UBP1: variants seen among roughly 807,000 people sequenced by gnomAD.
UBP1 encodes the protein upstream binding protein 1.
In UBP1, 22 loss-of-function variants were observed where a neutral mutation model predicts 76.1. The observed-to-expected ratio is 0.29, with a 90% CI of 0.21 to 0.41. UBP1 has a LOEUF of 0.41. Among genes scored for constraint, UBP1 ranks in the 10% least tolerant of loss-of-function variants. The pLI, the probability that UBP1 is intolerant of heterozygous loss-of-function variation, is 1.00. For missense variants in UBP1, 436 were observed against 668.1 expected (o/e 0.65, Z 3.83); for synonymous variants, 224 against 237.1 (o/e 0.94, Z 0.51).
chr3:33,407,806 C>T (rs2154057009), intron 8 of UBP1, among the ~76,000 whole-genome samples: 1 of 152,320 alleles, frequency 6.6e-6, no homozygotes, highest in Non-Finnish European at 1.5e-5. Context: ...ACAGTGAATA[C>T]AGCAGTCACG....
intron 1 of UBP1, 148 bp from the exon 2 acceptor site, chr3:33,425,889 A>T: frequency 1.5e-6 from 1 of 647,106 alleles, no homozygotes; most frequent in Middle Eastern, 3.7e-4. Context: ...ATCAGAAATT[A>T]TATGTAGAAT....
At chr3:33,390,651 A>G (rs1257699194) in intron 15 of UBP1, 8 of 486,590 alleles carry the variant, frequency 1.6e-5, no homozygotes, top group Non-Finnish European at 3.0e-5. Context: ...CTATCAAGAC[A>G]CACAATAATA....
At chr3:33,408,820 G>C in intron 7 of UBP1, 23 bp from the exon 8 acceptor site, 7 of 1,588,058 alleles carry the variant, frequency 4.4e-6, no homozygotes, top group Non-Finnish European at 6.0e-6. Flanking sequence ...CAAAGATTGG[G>C]ATCAATGTCT....
Position 33,389,598 on chromosome 3 carries a change from G to A in UBP1, c.*733C>T, listed in dbSNP as rs2043676995. On this transcript the variant is annotated 3_prime_UTR_variant, in exon 16 of 16. Transcript: ENST00000283629. The stretch of plus-strand genomic sequence containing the variant: ...AACCAGAAACTAAAATGCTAAAAAT[G>A]GAAGCAGAAGCAAAAAAGTTTTTCA... The A allele has an allele frequency of 6.6e-6, 1 of 152,082 alleles. No individual in the cohort carries two copies. The highest frequency in any genetic ancestry group is 2.1e-4 in the South Asian group (1 of 4,830). The allele number at this position is 152,082 out of a possible 1,614,324, so 9.4% of individuals were successfully genotyped here. A position where few individuals can be genotyped will look rare whatever the true frequency, so the allele number is the denominator to read the frequency against.
At chr3:33,394,811 C>T (rs1398802747) in intron 13 of UBP1, among the ~76,000 whole-genome samples, 1 of 140,576 alleles carries the variant, frequency 7.1e-6, no homozygotes, top group East Asian at 2.2e-4. Context: ...TTCCTGCCCT[C>T]CACTTGTTTT....
In UBP1 at chr3:33,439,819, C is replaced by T; in HGVS notation, c.30G>A (p.Val10=). 1 of 1,612,664 alleles carries T rather than the reference C, an allele frequency of 6.2e-7. No homozygotes were observed. Among genetic ancestry groups the T allele is most frequent in the Non-Finnish European group, 8.5e-7 (1 of 1,179,662 alleles). MAWVLKMDE[V]IESGLVHDFD... Reference sequence around the variant, plus strand: ...AGTCGTGCACCAGCCCGGACTCGATCACCTCGTCCATCTTGAGCACCCAGG... The same window carrying T: ...AGTCGTGCACCAGCCCGGACTCGATTACCTCGTCCATCTTGAGCACCCAGG... The change falls in exon 1 of 16, where the codon GTG becomes GTA. Residue 10 remains valine (V), a synonymous_variant. Transcript: ENST00000283629.
intron 1 of UBP1, among the ~76,000 whole-genome samples, chr3:33,433,342 T>G (rs1575492507): frequency 7.8e-6 from 1 of 128,616 alleles, no homozygotes; most frequent in Admixed American, 8.9e-5. Flanking sequence ...ATTACAGGTG[T>G]GAGCCACCGC....
intron 9 of UBP1, 129 bp from the exon 10 acceptor site, chr3:33,401,145 A>T: frequency 1.3e-6 from 1 of 774,738 alleles, no homozygotes; most frequent in East Asian, 3.2e-5. Context: ...GACAGCTATG[A>T]AAGTCTGCAA....
chr3:33,422,522 G>A (rs1453607185), intron 2 of UBP1, among the ~76,000 whole-genome samples: 1 of 152,134 alleles, frequency 6.6e-6, no homozygotes, highest in Admixed American at 6.6e-5. Flanking sequence ...TCGGAGATTA[G>A]CGTGGGCAAT....
At chr3:33,438,923 T>C (rs1485603858) in intron 1 of UBP1, among the ~76,000 whole-genome samples, 1 of 152,212 alleles carries the variant, frequency 6.6e-6, no homozygotes, top group Non-Finnish European at 1.5e-5. Flanking sequence ...AAACCACTGA[T>C]TTTTAGACTT....
At chr3:33,439,603 G>A (rs912303120) in intron 1 of UBP1, 133 bp downstream of exon 1, 54 of 943,048 alleles carry the variant, frequency 5.7e-5, no homozygotes, top group Admixed American at 2.5e-4. Flanking sequence ...CGACCGCCAC[G>A]CGGCAGGACT....
intron 1 of UBP1, among the ~76,000 whole-genome samples, chr3:33,428,289 T>G (rs971839347): frequency 2.0e-5 from 3 of 151,818 alleles, no homozygotes; most frequent in Non-Finnish European, 4.4e-5. Flanking sequence ...ATTTTGTGTA[T>G]ATGTAAGCAT....
chr3:33,426,039 A>ATAT (rs61119304), intron 1 of UBP1, among the ~76,000 whole-genome samples: 5 of 82,860 alleles, frequency 6.0e-5, no homozygotes, highest in Admixed American at 3.8e-4. Context: ...ATATATATAT[A>ATAT]GCACTTTAAA....
In UBP1 at chr3:33,439,983, C is replaced by G; in HGVS notation, c.-135G>C. 1 of 899,850 alleles carries G rather than the reference C, an allele frequency of 1.1e-6. No homozygotes were observed. Among genetic ancestry groups the G allele is most frequent in the Non-Finnish European group, 1.6e-6 (1 of 621,364 alleles). 55.7% of individuals were successfully genotyped at this position (899,850 alleles called of 1,614,324 possible). A position where few individuals can be genotyped will look rare whatever the true frequency, so the allele number is the denominator to read the frequency against. On this transcript the variant is annotated 5_prime_UTR_variant, in exon 1 of 16. Transcript: ENST00000283629. ...GGCGGCGAGTGGTCACCAGCGGCGG[C>G]CGGGACGAGAGCTGCGGGGGCCCCA...
intron 13 of UBP1, 145 bp from the exon 14 acceptor site, chr3:33,393,599 C>T: frequency 1.5e-6 from 1 of 684,792 alleles, no homozygotes; most frequent in Non-Finnish European, 2.1e-6. Context: ...TAAACTATTT[C>T]TTTCCCCCAT....
chr3:33,388,771 G>C lies in UBP1; in HGVS notation c.*1560C>G, dbSNP rs925182893. On this transcript the variant is annotated 3_prime_UTR_variant, in exon 16 of 16. Transcript: ENST00000283629. ...GAGTTACAGATATTTTCAAATCGATGATGAAAATAGATCGTGCTTCTTTGT... is the reference window on the plus strand; with the variant it reads ...GAGTTACAGATATTTTCAAATCGATCATGAAAATAGATCGTGCTTCTTTGT... The C allele has an allele frequency of 6.6e-6, 1 of 152,176 alleles. No individual in the cohort carries two copies. Among genetic ancestry groups the C allele is most frequent in the African/African-American group, 2.4e-5 (1 of 41,444 alleles). The allele number at this position is 152,176 out of a possible 1,614,324, so 9.4% of individuals were successfully genotyped here.
rs61119304 is a variant in UBP1 at position 33,426,039 on chromosome 3, A to ATATATATG, written c.114-299_114-298insCATATATA. ...TATATATATATATATATATATATAT[A>ATATATATG]GCACTTTAAAAACTTCTTTTAAAAC... On this transcript the variant is annotated intron_variant, in intron 1 of 15. Coordinates refer to ENST00000283629, the MANE Select transcript of UBP1 (RefSeq NM_014517.5). Among the ~76,000 whole-genome samples, 186 of 82,842 alleles carry ATATATATG rather than the reference A, an allele frequency of 2.2e-3. 10 individuals are homozygous for ATATATATG. The highest frequency in any genetic ancestry group is 0.014 in the East Asian group (14 of 1,006). The allele number at this position is 82,842 out of a possible 152,430, so 54.3% of individuals were successfully genotyped here.
intron 1 of UBP1, among the ~76,000 whole-genome samples, chr3:33,436,699 C>T (rs1188687953): frequency 6.6e-6 from 1 of 152,100 alleles, no homozygotes; most frequent in Middle Eastern, 3.2e-3. Context: ...CCAGGTGGTC[C>T]AAAGACCCTC....
At chr3:33,404,401 G>C (rs2044358225) in intron 8 of UBP1, among the ~76,000 whole-genome samples, 1 of 151,586 alleles carries the variant, frequency 6.6e-6, no homozygotes, top group Non-Finnish European at 1.5e-5. Flanking sequence ...GACAGAGCGA[G>C]ATTCCATCTC....
Sources: allele counts gnomAD v4.1 joint callset (sites outside exome capture counted in the v4.1 genomes callset), GRCh38; gene constraint gnomAD v4.1.1; transcripts MANE v1.5; gene names NCBI Gene and HGNC (gene_info 2026-07-23, HGNC 2026-07-21).